The following CDK14 variants were observed in gnomAD, a reference collection of about 807,000 sequenced individuals.
The protein encoded by CDK14 is cyclin dependent kinase 14.
A neutral mutation model predicts 60.7 loss-of-function variants in CDK14; 34 were observed. That is an observed-to-expected ratio of 0.56 (90% CI 0.43 to 0.75). The LOEUF (loss-of-function observed/expected upper bound fraction) is 0.75, where lower values mean the gene tolerates loss of function less well. Ranked by LOEUF, CDK14 falls within the 30% of genes least tolerant of loss-of-function variation. CDK14 has a pLI of 0.00. For missense variants in CDK14, 482 were observed against 564.1 expected, an observed-to-expected ratio of 0.85 and a Z score of 1.47; for synonymous variants, 197 against 203.7, an observed-to-expected ratio of 0.97 and a Z score of 0.28.
At chr7:91,181,729 A>AT (rs937892078) in intron 14 of CDK14, among the ~76,000 whole-genome samples, 39 of 152,044 alleles carry the variant, frequency 2.6e-4, no homozygotes, top group African/African-American at 7.7e-4. Flanking sequence ...TATTGCAGTT[A>AT]TTTTTTTGAC....
chr7:91,176,759 G>A (rs1189061609), intron 14 of CDK14, among the ~76,000 whole-genome samples: 1 of 149,520 alleles, frequency 6.7e-6, no homozygotes, highest in Non-Finnish European at 1.5e-5. Context: ...ACTAAACCAG[G>A]AAAAAGTTGA....
chr7:90,902,528 G>A (rs1040648043), intron 7 of CDK14, among the ~76,000 whole-genome samples: 4 of 152,006 alleles, frequency 2.6e-5, no homozygotes, highest in African/African-American at 9.7e-5. Flanking sequence ...TTCAATAACT[G>A]GTGCTGGAAA....
chr7:90,805,615 A>T (rs867024960), intron 5 of CDK14, among the ~76,000 whole-genome samples: 1 of 152,140 alleles, frequency 6.6e-6, no homozygotes, highest in Non-Finnish European at 1.5e-5. Context: ...CAAAATCTTG[A>T]TGGAAAGAAA....
intron 2 of CDK14, among the ~76,000 whole-genome samples, chr7:90,656,383 CTTT>C (rs5885737): frequency 2.1e-5 from 3 of 139,538 alleles, no homozygotes; most frequent in African/African-American, 2.7e-5. Context: ...TTCTTTCTTT[CTTT>C]TTTTTTTTTT....
Position 90,869,740 on chromosome 7 carries a change from T to C in CDK14, c.639+6471T>C, listed in dbSNP as rs142323404. 3.0e-3 allele frequency among the ~76,000 whole-genome samples: 457 copies of C among 152,244 alleles called. 3 individuals carry two copies. Among genetic ancestry groups the C allele is most frequent in the African/African-American group, 0.01 (431 of 41,540 alleles). Reference sequence around the variant, plus strand: ...ATACATTGTGTGGCCGACACACCTGTTGGGAAGACTTTAAAAGTGGGCAGG... The same window carrying C: ...ATACATTGTGTGGCCGACACACCTGCTGGGAAGACTTTAAAAGTGGGCAGG... On this transcript the variant is annotated intron_variant, in intron 6 of 14. Coordinates refer to ENST00000380050, the MANE Select transcript of CDK14 (RefSeq NM_001287135.2).
At chr7:90,611,483 T>C (rs1296202372) in intron 2 of CDK14, among the ~76,000 whole-genome samples, 1 of 152,236 alleles carries the variant, frequency 6.6e-6, no homozygotes, top group Admixed American at 6.5e-5. Context: ...AGCCACATGA[T>C]TTTCCAAGCT....
chr7:91,057,376 G>A (rs1797610764), intron 11 of CDK14, among the ~76,000 whole-genome samples: 1 of 151,470 alleles, frequency 6.6e-6, no homozygotes, highest in Non-Finnish European at 1.5e-5. Flanking sequence ...TCTGATGGGA[G>A]TTTCTTTTGC....
intron 2 of CDK14, among the ~76,000 whole-genome samples, chr7:90,625,114 A>G (rs1213349610): frequency 6.6e-6 from 1 of 152,184 alleles, no homozygotes; most frequent in Non-Finnish European, 1.5e-5. Context: ...GTGCTTCGGG[A>G]GATCAAGGAA....
At chr7:90,748,954 A>G (rs1803702302) in intron 4 of CDK14, among the ~76,000 whole-genome samples, 1 of 152,208 alleles carries the variant, frequency 6.6e-6, no homozygotes, top group South Asian at 2.1e-4. Context: ...TCTCTGAAGG[A>G]TCATTCCAAA....
chr7:91,022,572 A>G (rs1584239801), intron 10 of CDK14, among the ~76,000 whole-genome samples: 1 of 152,208 alleles, frequency 6.6e-6, no homozygotes, highest in Non-Finnish European at 1.5e-5. Flanking sequence ...AAAAATATTT[A>G]TCTTATGCCA....
intron 2 of CDK14, among the ~76,000 whole-genome samples, chr7:90,641,172 T>A (rs1363648899): frequency 6.6e-6 from 1 of 151,992 alleles, no homozygotes; most frequent in Non-Finnish European, 1.5e-5. Flanking sequence ...GGAACTCTCA[T>A]ACCCTGGGAC....
chr7:90,789,085 T>G (rs1008159578), intron 4 of CDK14, among the ~76,000 whole-genome samples: 4 of 152,170 alleles, frequency 2.6e-5, no homozygotes, highest in African/African-American at 9.7e-5. Flanking sequence ...GAATTTAACT[T>G]ACGGACATAT....
intron 2 of CDK14, among the ~76,000 whole-genome samples, chr7:90,666,629 C>T (rs1214872021): frequency 3.3e-5 from 5 of 152,192 alleles, no homozygotes; most frequent in Admixed American, 6.5e-5. Flanking sequence ...TCTGTTATTT[C>T]ACGGAACATA....
chr7:90,837,486 T>G (rs542747710), intron 5 of CDK14, among the ~76,000 whole-genome samples: 1 of 152,188 alleles, frequency 6.6e-6, no homozygotes, highest in South Asian at 2.1e-4. Context: ...AATAAAATTC[T>G]AGACAGCAGA....
intron 4 of CDK14, 82 bp downstream of exon 4, chr7:90,747,857 T>A: frequency 9.2e-6 from 5 of 545,424 alleles, no homozygotes; most frequent in Non-Finnish European, 1.4e-5. Flanking sequence ...TTTAAATAAT[T>A]ATTATTTAAT....
chr7:90,768,614 G>A lies in CDK14; in HGVS notation c.464+20839G>A, dbSNP rs527315565. ...AATGAGTGAATTGTCCTCTTTTTTCGAATATCCGATATAATTTGTATTTTC... is the reference window on the plus strand; with the variant it reads ...AATGAGTGAATTGTCCTCTTTTTTCAAATATCCGATATAATTTGTATTTTC... On this transcript the variant is annotated intron_variant, in intron 4 of 14. Coordinates refer to ENST00000380050, the MANE Select transcript of CDK14 (RefSeq NM_001287135.2). Among the ~76,000 whole-genome samples the A allele has an allele frequency of 3.9e-5, 6 of 151,940 alleles. No homozygotes were observed. The South Asian group carries it at 8.3e-4, about 21-fold the overall frequency.
chr7:90,665,122 A>G (rs1800947916), intron 2 of CDK14, among the ~76,000 whole-genome samples: 1 of 151,956 alleles, frequency 6.6e-6, no homozygotes, highest in Non-Finnish European at 1.5e-5. Context: ...TCTACTAAAA[A>G]TAAATTTAAA....
chr7:91,187,385 A>T (rs1802223587), intron 14 of CDK14, among the ~76,000 whole-genome samples: 1 of 152,240 alleles, frequency 6.6e-6, no homozygotes, highest in Non-Finnish European at 1.5e-5. Context: ...TTCTGAACAG[A>T]GTGTTCTTTT....
At chr7:91,038,212 A>G (rs1289418707) in intron 10 of CDK14, among the ~76,000 whole-genome samples, 1 of 152,244 alleles carries the variant, frequency 6.6e-6, no homozygotes. Context: ...ACTCTCTTCT[A>G]CTTTTTAAAA....
Sources: gnomAD v4.1 joint callset for allele counts (sites outside exome capture counted in the v4.1 genomes callset) on GRCh38, gnomAD v4.1.1 for gene constraint, MANE v1.5 for transcripts, NCBI Gene and HGNC (gene_info 2026-07-23, HGNC 2026-07-21) for gene names.